USP30: variants seen among roughly 807,000 people sequenced by gnomAD.
USP30 encodes the protein ubiquitin carboxyl-terminal hydrolase 30.
USP30 carries 41 observed loss-of-function variants against 68.2 expected under a neutral mutation model. The ratio of observed to expected loss-of-function variants is 0.60; its 90% CI spans 0.47 to 0.78. The LOEUF is 0.78. Among genes scored for constraint, USP30 ranks in the 30% least tolerant of loss-of-function variants. USP30 has a pLI of 0.00. For missense variants in USP30, 522 were observed against 649.4 expected (o/e 0.80, Z 2.13); for synonymous variants, 229 against 253.7 (o/e 0.90, Z 0.93).
intron 8 of USP30, 87 bp downstream of exon 8, chr12:109,081,480 C>A: frequency 7.4e-7 from 1 of 1,359,154 alleles, no homozygotes; most frequent in Non-Finnish European, 1.0e-6. Context: ...GTGGCTCAGG[C>A]ACTATGTGTA....
At chr12:109,032,982 T>C in intron 3 of USP30, among the ~76,000 whole-genome samples, 1 of 152,194 alleles carries the variant, frequency 6.6e-6, no homozygotes, top group East Asian at 1.9e-4. Context: ...CCTGAAATAC[T>C]GAAAATAAAA....
rs1319740921 is a variant in USP30, at chr12:109,055,491, C to T, written c.84-1191C>T. On this transcript the variant is annotated intron_variant, in intron 1 of 12. Transcript: ENST00000257548. ...AATCTGGGCTCACTGTAACCTCCGC[C>T]TCTTGGACTCAAGCCATTCTGCCTC... Among the ~76,000 whole-genome samples, 6 of 142,152 alleles carry T rather than the reference C, an allele frequency of 4.2e-5. No homozygotes were observed. The Admixed American group carries it at 4.5e-4, about 11-fold the overall frequency. 93.3% of individuals were successfully genotyped at this position (142,152 alleles called of 152,430 possible). A position where few individuals can be genotyped will look rare whatever the true frequency, so the allele number is the denominator to read the frequency against.
At chr12:109,074,264 C>T (rs2041529523) in intron 7 of USP30, among the ~76,000 whole-genome samples, 1 of 152,204 alleles carries the variant, frequency 6.6e-6, no homozygotes, top group Non-Finnish European at 1.5e-5. Flanking sequence ...CATTTTTATC[C>T]ATTCATCAGT....
intron 12 of USP30, 127 bp from the exon 13 acceptor site, chr12:109,085,540 G>A: frequency 2.7e-6 from 3 of 1,118,696 alleles, no homozygotes; most frequent in Non-Finnish European, 3.9e-6. Context: ...TAATAGTTGT[G>A]TAGCATTTGG....
chr12:109,027,836 A>T (rs2040455731), intron 3 of USP30, among the ~76,000 whole-genome samples: 1 of 152,168 alleles, frequency 6.6e-6, no homozygotes, highest in South Asian at 2.1e-4. Context: ...GGCTATTGTG[A>T]AGAATGCTGC....
At chr12:109,068,034 G>C (rs2041314928) in intron 4 of USP30, among the ~76,000 whole-genome samples, 1 of 152,120 alleles carries the variant, frequency 6.6e-6, no homozygotes, top group Non-Finnish European at 1.5e-5. Flanking sequence ...TCGGAGCTTT[G>C]CTTAAAGTAG....
chr12:109,023,397 T>TA (rs948093078), intron 1 of USP30, among the ~76,000 whole-genome samples: 3 of 151,538 alleles, frequency 2.0e-5, no homozygotes, highest in Admixed American at 1.3e-4. Context: ...CACTTGAAAA[T>TA]AAAAAAACTT....
At chr12:109,073,125 T>G (rs2041495326) in intron 6 of USP30, among the ~76,000 whole-genome samples, 1 of 152,254 alleles carries the variant, frequency 6.6e-6, no homozygotes, top group Non-Finnish European at 1.5e-5. Flanking sequence ...ACTTGTGGTA[T>G]CCTTCTTTTG....
Position 109,044,988 on chromosome 12 carries a change from C to CTTT in USP30, c.-135-2581_-135-2579dup, listed in dbSNP as rs34418635. Among the ~76,000 whole-genome samples, 40 of 100,168 alleles carry CTTT rather than the reference C, an allele frequency of 4.0e-4. 2 individuals are homozygous for CTTT. Among genetic ancestry groups the CTTT allele is most frequent in the African/African-American group, 5.0e-4 (14 of 27,830 alleles). 65.7% of individuals were successfully genotyped at this position (100,168 alleles called of 152,430 possible). A position where few individuals can be genotyped will look rare whatever the true frequency, so the allele number is the denominator to read the frequency against. ...TTCATTACCAAGTAAGGTCAAACAT[C>CTTT]TTTTTTTTTTTTTTTTTTTTTTTCT... On this transcript the variant is annotated intron_variant, in intron 3 of 15. Coordinates refer to the USP30 transcript ENST00000392784.
At chr12:109,066,787 GC>G (rs2041268390) in intron 3 of USP30, among the ~76,000 whole-genome samples, 1 of 152,144 alleles carries the variant, frequency 6.6e-6, no homozygotes, top group East Asian at 1.9e-4. Context: ...ACAAATACAA[GC>G]AAAGGCCTTG....
intron 7 of USP30, among the ~76,000 whole-genome samples, chr12:109,078,714 C>T (rs114241024): frequency 4.6e-5 from 7 of 151,360 alleles, no homozygotes; most frequent in African/African-American, 1.7e-4. Flanking sequence ...GATGTTTTTT[C>T]CCTTTTGGCC....
chr12:109,049,883 A>G (rs1225842925), upstream of USP30, among the ~76,000 whole-genome samples: 2 of 152,232 alleles, frequency 1.3e-5, no homozygotes, highest in African/African-American at 4.8e-5. Context: ...CAGAGACACG[A>G]AGTGAGCACA....
At chr12:109,073,577 A>G in intron 7 of USP30, 45 bp downstream of exon 7, 1 of 1,546,222 alleles carries the variant, frequency 6.5e-7, no homozygotes, top group East Asian at 2.3e-5. Context: ...GAGGTTTTCC[A>G]AAAGTTAGGA....
intron 3 of USP30, among the ~76,000 whole-genome samples, chr12:109,038,095 T>G (rs2040534529): frequency 6.6e-6 from 1 of 152,124 alleles, no homozygotes; most frequent in African/African-American, 2.4e-5. Context: ...GGTGGTTTGC[T>G]GCACAGATCA....
chr12:109,055,393 T>C (rs866623964), intron 1 of USP30, among the ~76,000 whole-genome samples: 7 of 62,172 alleles, frequency 1.1e-4, no homozygotes, highest in East Asian at 9.8e-4. Context: ...TATATATATA[T>C]ATATATATTT....
intron 3 of USP30, among the ~76,000 whole-genome samples, chr12:109,034,907 G>C (rs1474059921): frequency 2.0e-5 from 3 of 151,908 alleles, no homozygotes; most frequent in African/African-American, 7.3e-5. Flanking sequence ...TTGTCTCAAA[G>C]TCTATTTTGT....
intron 3 of USP30, among the ~76,000 whole-genome samples, chr12:109,062,173 G>C (rs568468764): frequency 3.3e-4 from 50 of 151,836 alleles, no homozygotes; most frequent in Non-Finnish European, 6.6e-4. Flanking sequence ...GGGCTCAGGT[G>C]ATCCACCCGC....
At chr12:109,034,323 T>C (rs2040503425) in intron 3 of USP30, among the ~76,000 whole-genome samples, 1 of 152,256 alleles carries the variant, frequency 6.6e-6, no homozygotes, top group Admixed American at 6.5e-5. Flanking sequence ...TCCATTGCAG[T>C]TAGAGAACAT....
upstream of USP30, among the ~76,000 whole-genome samples, chr12:109,051,528 C>T (rs574980406): frequency 5.2e-5 from 7 of 133,354 alleles, no homozygotes; most frequent in South Asian, 2.0e-3. Context: ...CCCCCGGCCT[C>T]CCAAAGTGCT....
Sources: allele counts gnomAD v4.1 joint callset (sites outside exome capture counted in the v4.1 genomes callset), GRCh38; gene constraint gnomAD v4.1.1; transcripts MANE v1.5; gene names NCBI Gene and HGNC (gene_info 2026-07-23, HGNC 2026-07-21).